The following WDR47 variants were observed in gnomAD, a reference collection of about 807,000 sequenced individuals.
The protein encoded by WDR47 is WD repeat domain 47, also known as WD repeat-containing protein 47.
Under a neutral mutation model 97.2 loss-of-function variants are expected in WDR47, and 32 were observed. The ratio of observed to expected loss-of-function variants is 0.33; its 90% CI spans 0.25 to 0.44. The LOEUF (loss-of-function observed/expected upper bound fraction) is 0.44. Ranked by LOEUF, WDR47 falls within the 20% of genes least tolerant of loss-of-function variation. WDR47 has a pLI of 1.00. For missense variants in WDR47, 782 were observed against 1,102.3 expected (o/e 0.71, Z 4.11); for synonymous variants, 375 against 373.5 (o/e 1.00, Z -0.05).
intron 13 of WDR47, among the ~76,000 whole-genome samples, chr1:108,975,060 C>T (rs1233337444): frequency 2.4e-5 from 1 of 42,464 alleles, no homozygotes; most frequent in Non-Finnish European, 4.6e-5. Flanking sequence ...TTTCTCAATC[C>T]AGTGTTTTCA....
At chr1:109,010,314 T>C (rs1460239737) in intron 5 of WDR47, among the ~76,000 whole-genome samples, 1 of 152,154 alleles carries the variant, frequency 6.6e-6, no homozygotes. Context: ...CCCAGAACTT[T>C]GGGAGGCCAA....
intron 1 of WDR47, among the ~76,000 whole-genome samples, chr1:109,033,569 G>A (rs899498134): frequency 1.3e-5 from 2 of 152,168 alleles, no homozygotes; most frequent in South Asian, 2.1e-4. Flanking sequence ...AAGAAGACCC[G>A]ATAATATCTA....
At chr1:109,040,571 T>C (rs1663283775) in intron 1 of WDR47, among the ~76,000 whole-genome samples, 1 of 152,034 alleles carries the variant, frequency 6.6e-6, no homozygotes, top group Admixed American at 6.6e-5. Context: ...AGTGTTTGGG[T>C]TTTGGCTTTT....
chr1:109,037,361 G>A (rs2102061365), intron 1 of WDR47, among the ~76,000 whole-genome samples: 1 of 142,312 alleles, frequency 7.0e-6, no homozygotes, highest in South Asian at 2.3e-4. Flanking sequence ...AAACAAGACT[G>A]GGCGTGGTGG....
rs764239283 is a variant in WDR47 at position 108,971,428 on chromosome 1, C to T, written c.*2G>A. 6.2e-7 allele frequency: 1 copy of T among 1,614,126 alleles called. No individual in the cohort carries two copies. Among genetic ancestry groups the T allele is most frequent in the East Asian group, 2.2e-5 (1 of 44,876 alleles). ...GCTGCATAGACTGACATGCGGTGTG[C>T]TCTACCCATTGTAAGTCCAGAGGGT... On this transcript the variant is annotated 3_prime_UTR_variant, in exon 15 of 15. Coordinates refer to ENST00000369962, the MANE Select transcript of WDR47 (RefSeq NM_001142551.2).
At chr1:108,996,152 G>A (rs1158297667) in intron 7 of WDR47, among the ~76,000 whole-genome samples, 1 of 152,018 alleles carries the variant, frequency 6.6e-6, no homozygotes, top group East Asian at 1.9e-4. Context: ...CTGCAGCCCT[G>A]GGCTCAAGCA....
At chr1:109,024,150 AGTT>A (rs1471437945) in intron 1 of WDR47, among the ~76,000 whole-genome samples, 1 of 152,238 alleles carries the variant, frequency 6.6e-6, no homozygotes, top group Non-Finnish European at 1.5e-5. Context: ...AAACAAGGTT[AGTT>A]AAGATGTGCA....
chr1:108,987,457 GTTTGT>G (rs892937982), intron 9 of WDR47, among the ~76,000 whole-genome samples: 3 of 151,676 alleles, frequency 2.0e-5, no homozygotes, highest in African/African-American at 2.4e-5. Context: ...CCAGCCAATT[GTTTGT>G]TTTGTTTTGT....
chr1:109,037,314 A>T (rs1240320162), intron 1 of WDR47, among the ~76,000 whole-genome samples: 1 of 140,208 alleles, frequency 7.1e-6, no homozygotes, highest in African/African-American at 2.7e-5. Flanking sequence ...GGGCAACAAG[A>T]GCAAAACTCC....
chr1:109,013,813 C>T (rs556493539), intron 4 of WDR47, 28 bp downstream of exon 4: 7 of 1,609,974 alleles, frequency 4.3e-6, no homozygotes, highest in African/African-American at 2.7e-5. Flanking sequence ...AAGACTAGGG[C>T]GCAAACCTTC....
intron 2 of WDR47, among the ~76,000 whole-genome samples, chr1:109,022,091 G>T (rs1048794221): frequency 6.6e-6 from 1 of 152,024 alleles, no homozygotes; most frequent in African/African-American, 2.4e-5. Flanking sequence ...CAGGTGATCC[G>T]CCTGCCTTGG....
At chr1:109,009,814 G>A (rs922340800) in intron 5 of WDR47, among the ~76,000 whole-genome samples, 20 of 151,914 alleles carry the variant, frequency 1.3e-4, no homozygotes, top group East Asian at 7.7e-4. Context: ...CCTGGCCAAC[G>A]TGGTAAAACC....
chr1:109,029,409 C>T (rs867659031), intron 1 of WDR47, among the ~76,000 whole-genome samples: 3 of 152,176 alleles, frequency 2.0e-5, no homozygotes, highest in Middle Eastern at 3.4e-3. Flanking sequence ...CCTATAATCC[C>T]AGCACTTTGG....
At position 108,980,265 on chromosome 1, in the gene WDR47, T is replaced by C. The variant is rs141740620; in HGVS notation, c.2398+1468A>G. Among the ~76,000 whole-genome samples the C allele has an allele frequency of 4.3e-3, 652 of 152,206 alleles. 3 individuals carry two copies. The highest frequency in any genetic ancestry group is 0.024 in the Middle Eastern group (7 of 294). On this transcript the variant is annotated intron_variant, in intron 13 of 14. Transcript: ENST00000369962. ...TTTTAACAAATCAATGATCATGGAC[T>C]CAAATGTGCTGTAAAACATCATATC...
chr1:108,979,049 G>A (rs1048017560), intron 13 of WDR47, among the ~76,000 whole-genome samples: 2 of 152,166 alleles, frequency 1.3e-5, no homozygotes, highest in Non-Finnish European at 2.9e-5. Context: ...TAAAATGTTT[G>A]TATGTGCATG....
At chr1:108,976,082 G>A (rs761634683) in intron 13 of WDR47, among the ~76,000 whole-genome samples, 3 of 152,190 alleles carry the variant, frequency 2.0e-5, no homozygotes, top group Non-Finnish European at 2.9e-5. Context: ...TCTGTAAACA[G>A]TAAAGCATCA....
intron 5 of WDR47, among the ~76,000 whole-genome samples, chr1:109,010,208 C>T (rs1445607177): frequency 6.6e-6 from 1 of 151,946 alleles, no homozygotes; most frequent in Non-Finnish European, 1.5e-5. Context: ...AAATTTTAAA[C>T]CTTTACTAAA....
At chr1:109,008,285 GAGTGAGATGGAGTCTTACTCTGTCGCCT>G (rs1383464220) in intron 5 of WDR47, among the ~76,000 whole-genome samples, 4 of 150,238 alleles carry the variant, frequency 2.7e-5, no homozygotes, top group Admixed American at 6.6e-5. Context: ...TTTTTTTTTG[GAGTGAGATGGAGTCTTACTCTGTCGCCT>G]AGGCTGGAGT....
At chr1:109,041,191 C>T (rs1439426463) in intron 1 of WDR47, among the ~76,000 whole-genome samples, 1 of 151,798 alleles carries the variant, frequency 6.6e-6, no homozygotes, top group Non-Finnish European at 1.5e-5. Context: ...TTTTTCTCCC[C>T]AATAAAGGGA....
Sources: gnomAD v4.1 joint callset for allele counts (sites outside exome capture counted in the v4.1 genomes callset) on GRCh38, gnomAD v4.1.1 for gene constraint, MANE v1.5 for transcripts, NCBI Gene and HGNC (gene_info 2026-07-23, HGNC 2026-07-21) for gene names.